The following SLC12A8 variants were observed in gnomAD, a reference collection of about 807,000 sequenced individuals.
SLC12A8 encodes cation-chloride cotransporter 9.
In SLC12A8, 69 loss-of-function variants were observed where a neutral mutation model predicts 75.6. That is an observed-to-expected ratio of 0.91 (90% CI 0.75 to 1.11). The LOEUF (loss-of-function observed/expected upper bound fraction) is 1.11, where lower values mean the gene tolerates loss of function less well. SLC12A8 is among the 50% of genes most tolerant of loss of function. The probability of loss-of-function intolerance (pLI) is 0.00; values close to 1 mark genes in which losing one functional copy is unlikely to be tolerated. For synonymous variants in SLC12A8, 365 were observed against 372.8 expected, an observed-to-expected ratio of 0.98 and a Z score of 0.24; for missense variants, 877 against 896.7, an observed-to-expected ratio of 0.98 and a Z score of 0.28.
Position 125,143,843 on chromosome 3 carries a change from T to G in SLC12A8, c.623-8061A>C, listed in dbSNP as rs570817868. ...GAGGGAAGGGGCTGAAAGTGTCCCATAACAAGAGCAGCTCCTGCCATGCCC... is the reference window on the plus strand; with the variant it reads ...GAGGGAAGGGGCTGAAAGTGTCCCAGAACAAGAGCAGCTCCTGCCATGCCC... On this transcript the variant is annotated intron_variant, in intron 5 of 13. Transcript: ENST00000469902. 4.4e-3 allele frequency among the ~76,000 whole-genome samples: 671 copies of G among 152,276 alleles called. 1 individual carries two copies. The highest frequency in any genetic ancestry group is 6.7e-3 in the Non-Finnish European group (455 of 68,002).
chr3:125,125,320 G>A (rs1297928892), intron 6 of SLC12A8, among the ~76,000 whole-genome samples: 1 of 152,076 alleles, frequency 6.6e-6, no homozygotes, highest in Non-Finnish European at 1.5e-5. Context: ...CACTTTGGGA[G>A]GCTAAGGTGG....
chr3:125,108,147 T>C (rs1249976838), intron 9 of SLC12A8, 21 bp from the exon 10 acceptor site: 35 of 1,588,822 alleles, frequency 2.2e-5, no homozygotes, highest in East Asian at 6.7e-5. Flanking sequence ...AAAAATAACA[T>C]GCAGGACCAT....
At chr3:125,179,878 A>C (rs1394650334) in intron 4 of SLC12A8, among the ~76,000 whole-genome samples, 3 of 152,226 alleles carry the variant, frequency 2.0e-5, no homozygotes, top group Non-Finnish European at 4.4e-5. Flanking sequence ...CATGGTCAAA[A>C]TTATCTGAGC....
chr3:125,094,468 A>G (rs1313113704), intron 10 of SLC12A8, among the ~76,000 whole-genome samples: 1 of 151,472 alleles, frequency 6.6e-6, no homozygotes, highest in Non-Finnish European at 1.5e-5. Context: ...TTGCATCTAT[A>G]CCCTCTATTC....
chr3:125,124,732 T>C (rs1933154204), intron 6 of SLC12A8, among the ~76,000 whole-genome samples: 1 of 152,254 alleles, frequency 6.6e-6, no homozygotes, highest in Non-Finnish European at 1.5e-5. Flanking sequence ...CGGTGAATTA[T>C]AAATGTCTCA....
intron 2 of SLC12A8, among the ~76,000 whole-genome samples, chr3:125,191,022 C>T (rs867805): frequency 0.54 from 82,097 of 151,970 alleles, 22,813 homozygotes; most frequent in Non-Finnish European, 0.62. Flanking sequence ...CAGCAGCTTC[C>T]GGCAGTTGAC....
chr3:125,117,298 A>T (rs755523070), intron 8 of SLC12A8, among the ~76,000 whole-genome samples: 1 of 152,130 alleles, frequency 6.6e-6, no homozygotes, highest in Non-Finnish European at 1.5e-5. Context: ...AGAAAATGGT[A>T]GTCTATCCTA....
intron 5 of SLC12A8, among the ~76,000 whole-genome samples, chr3:125,147,975 A>G (rs1468561453): frequency 6.6e-6 from 1 of 152,206 alleles, no homozygotes; most frequent in Non-Finnish European, 1.5e-5. Flanking sequence ...TATAAACATT[A>G]TCTTATTTTA....
Position 125,135,794 on chromosome 3 carries a change from C to T in SLC12A8, c.623-12G>A, listed in dbSNP as rs763028033. The T allele has an allele frequency of 4.0e-6, 6 of 1,506,278 alleles. No homozygotes were observed. Among genetic ancestry groups the T allele is most frequent in the Non-Finnish European group, 5.5e-6 (6 of 1,093,426 alleles). The allele number at this position is 1,506,278 out of a possible 1,614,324, so 93.3% of individuals were successfully genotyped here. A position where few individuals can be genotyped will look rare whatever the true frequency, so the allele number is the denominator to read the frequency against. On this transcript the variant is annotated splice_polypyrimidine_tract_variant and intron_variant, in intron 5 of 13. Transcript: ENST00000469902. The stretch of plus-strand genomic sequence containing the variant: ...AATGAAACCATGTTCTGAAATAAAG[C>T]AATGGAGAGCAACGTAAGCCCAGTG...
At chr3:125,102,679 G>T (rs1321727661) in intron 10 of SLC12A8, among the ~76,000 whole-genome samples, 1 of 152,190 alleles carries the variant, frequency 6.6e-6, no homozygotes, top group Non-Finnish European at 1.5e-5. Context: ...CAGCTGGACA[G>T]CGACCACTTC....
chr3:125,124,076 A>T (rs999826333), intron 6 of SLC12A8, among the ~76,000 whole-genome samples: 12 of 152,158 alleles, frequency 7.9e-5, no homozygotes, highest in African/African-American at 2.9e-4. Flanking sequence ...GTACATTAGG[A>T]TGCTGCTCAG....
intron 5 of SLC12A8, among the ~76,000 whole-genome samples, chr3:125,173,568 G>A (rs754362276): frequency 2.0e-5 from 3 of 150,904 alleles, no homozygotes; most frequent in Non-Finnish European, 4.4e-5. Flanking sequence ...CTTCTAGAAT[G>A]AGAAAATCTA....
intron 13 of SLC12A8, 154 bp downstream of exon 13, chr3:125,088,156 C>T: frequency 1.5e-6 from 1 of 659,508 alleles, no homozygotes. Flanking sequence ...GGAGTGCACG[C>T]AGGAGCAACA....
chr3:125,169,837 G>T (rs577987960), intron 5 of SLC12A8, among the ~76,000 whole-genome samples: 1 of 152,114 alleles, frequency 6.6e-6, no homozygotes, highest in African/African-American at 2.4e-5. Context: ...TGGAACTCCC[G>T]ATCAGCTCTG....
chr3:125,127,701 G>T (rs1933243443), intron 6 of SLC12A8, among the ~76,000 whole-genome samples: 1 of 152,124 alleles, frequency 6.6e-6, no homozygotes, highest in South Asian at 2.1e-4. Context: ...AGTTTAAACA[G>T]AAAACTATAC....
chr3:125,114,821 T>C (rs1939269437), intron 8 of SLC12A8, among the ~76,000 whole-genome samples: 1 of 152,256 alleles, frequency 6.6e-6, no homozygotes, highest in South Asian at 2.1e-4. Context: ...GTATTTGGCC[T>C]TTTTTATTTG....
intron 12 of SLC12A8, among the ~76,000 whole-genome samples, chr3:125,088,729 G>A (rs191460035): frequency 7.7e-4 from 117 of 152,228 alleles, no homozygotes; most frequent in African/African-American, 2.7e-3. Context: ...TTGAATACAC[G>A]CCATAAAATT....
chr3:125,092,393 A>G (rs767802594), intron 10 of SLC12A8, among the ~76,000 whole-genome samples, 195 bp from the exon 11 acceptor site: 13 of 152,108 alleles, frequency 8.5e-5, no homozygotes, highest in Non-Finnish European at 1.9e-4. Context: ...AAAGAAAGAG[A>G]AGAGAGAGAC....
At chr3:125,174,055 G>A (rs745689457) in intron 5 of SLC12A8, among the ~76,000 whole-genome samples, 12 of 152,184 alleles carry the variant, frequency 7.9e-5, no homozygotes, top group Non-Finnish European at 1.3e-4. Flanking sequence ...TCGTGCCACT[G>A]CACTCCAGCC....
Sources: allele counts gnomAD v4.1 joint callset (sites outside exome capture counted in the v4.1 genomes callset), GRCh38; gene constraint gnomAD v4.1.1; transcripts MANE v1.5; gene names NCBI Gene and HGNC (gene_info 2026-07-23, HGNC 2026-07-21).